GPC5: variants seen among roughly 807,000 people sequenced by gnomAD.
GPC5 encodes glypican 5.
Under a neutral mutation model 53.9 loss-of-function variants are expected in GPC5, and 47 were observed. The observed-to-expected ratio is 0.87, with a 90% CI of 0.69 to 1.11. The LOEUF is 1.11. GPC5 is among the 50% of genes most tolerant of loss of function. GPC5 has a pLI of 0.00. For missense variants in GPC5, 748 were observed against 713.1 expected (o/e 1.05, Z -0.56); for synonymous variants, 286 against 263.3 (o/e 1.09, Z -0.84).
chr13:92,300,533 A>G (rs1361177764), intron 7 of GPC5, among the ~76,000 whole-genome samples: 1 of 152,196 alleles, frequency 6.6e-6, no homozygotes, highest in Admixed American at 6.5e-5. Context: ...TTCAACTCAA[A>G]TATCTTTATG....
chr13:91,470,661 G>A (rs1307653085), intron 2 of GPC5, among the ~76,000 whole-genome samples: 2 of 152,008 alleles, frequency 1.3e-5, no homozygotes, highest in African/African-American at 2.4e-5. Context: ...TTTATCTCAG[G>A]CACCATAACC....
intron 4 of GPC5, among the ~76,000 whole-genome samples, chr13:91,738,177 C>A (rs2036853939): frequency 6.6e-6 from 1 of 151,350 alleles, no homozygotes; most frequent in African/African-American, 2.5e-5. Flanking sequence ...ATTCAGATAC[C>A]TTTACTAAGG....
At chr13:92,109,208 A>T (rs1041803423) in intron 6 of GPC5, among the ~76,000 whole-genome samples, 35 of 151,772 alleles carry the variant, frequency 2.3e-4, no homozygotes, top group African/African-American at 8.2e-4. Flanking sequence ...CTGGGACTAC[A>T]GGCACTCACC....
chr13:91,556,720 T>G (rs1218926548), intron 2 of GPC5, among the ~76,000 whole-genome samples: 1 of 151,674 alleles, frequency 6.6e-6, no homozygotes, highest in Non-Finnish European at 1.5e-5. Context: ...AACTCAGGAG[T>G]AAAAAACCAA....
At chr13:91,860,466 C>A (rs1330452966) in intron 5 of GPC5, among the ~76,000 whole-genome samples, 1 of 147,294 alleles carries the variant, frequency 6.8e-6, no homozygotes, top group Non-Finnish European at 1.5e-5. Flanking sequence ...TCCTTCCTTC[C>A]TTCCTGCCTT....
At chr13:92,602,233 C>CATATATATATATAT (rs149450440) in intron 7 of GPC5, among the ~76,000 whole-genome samples, 1,727 of 119,204 alleles carry the variant, frequency 0.014, 39 homozygotes, top group Middle Eastern at 0.02. Context: ...ATATATATAA[C>CATATATATATATAT]ATATATATAT....
intron 4 of GPC5, 84 bp downstream of exon 4, chr13:91,728,749 C>T (rs752801158): frequency 8.4e-5 from 106 of 1,267,080 alleles, no homozygotes; most frequent in Middle Eastern, 2.0e-4. Context: ...TCAATTAAAT[C>T]GAATAAAATT....
intron 7 of GPC5, among the ~76,000 whole-genome samples, chr13:92,795,747 A>C (rs567707872): frequency 2.0e-5 from 3 of 152,346 alleles, no homozygotes; most frequent in African/African-American, 7.2e-5. Context: ...TGCAGTGAAC[A>C]GACACATGAA....
At chr13:91,750,552 G>A (rs1192728956) in intron 4 of GPC5, among the ~76,000 whole-genome samples, 1 of 151,922 alleles carries the variant, frequency 6.6e-6, no homozygotes, top group Non-Finnish European at 1.5e-5. Flanking sequence ...TTTGTTCATT[G>A]AAATATTTCA....
intron 6 of GPC5, among the ~76,000 whole-genome samples, chr13:92,006,292 T>C (rs926108774): frequency 6.6e-6 from 1 of 152,162 alleles, no homozygotes; most frequent in African/African-American, 2.4e-5. Context: ...CAGCTAAATA[T>C]ACAGAAATAT....
intron 5 of GPC5, among the ~76,000 whole-genome samples, chr13:91,829,299 G>GA (rs1160281463): frequency 5.9e-5 from 9 of 151,828 alleles, no homozygotes; most frequent in African/African-American, 1.2e-4. Flanking sequence ...AATAAAAGCA[G>GA]AAAAAAGACA....
At chr13:91,483,242 T>C (rs1322217517) in intron 2 of GPC5, among the ~76,000 whole-genome samples, 1 of 152,176 alleles carries the variant, frequency 6.6e-6, no homozygotes, top group Admixed American at 6.5e-5. Flanking sequence ...GATCTTCTCT[T>C]TATATAAGAG....
chr13:92,039,294 T>C (rs1029122697), intron 6 of GPC5, among the ~76,000 whole-genome samples: 1 of 152,206 alleles, frequency 6.6e-6, no homozygotes, highest in Non-Finnish European at 1.5e-5. Context: ...AGTAACAGGA[T>C]GTTTGTGTGC....
intron 2 of GPC5, among the ~76,000 whole-genome samples, chr13:91,559,819 G>A (rs959982241): frequency 6.6e-6 from 1 of 152,056 alleles, no homozygotes; most frequent in African/African-American, 2.4e-5. Flanking sequence ...GTTGTTCCTA[G>A]ACCCATTGCA....
chr13:91,962,957 T>TC lies in GPC5; in HGVS notation c.1401+54901dup, dbSNP rs567942863. ...GGCAGTACCTATGTTCTCTAGTTTGTCACTATTCCATGTGCCTTATTATTT... is the reference window on the plus strand; with the variant it reads ...GGCAGTACCTATGTTCTCTAGTTTGTCCACTATTCCATGTGCCTTATTATTT... On this transcript the variant is annotated intron_variant, in intron 6 of 7. Coordinates refer to ENST00000377067, the MANE Select transcript of GPC5 (RefSeq NM_004466.6). Among the ~76,000 whole-genome samples, 6 of 152,330 alleles carry TC rather than the reference T, an allele frequency of 3.9e-5. No homozygotes were observed. The South Asian group carries it at 1.2e-3, about 32-fold the overall frequency.
intron 5 of GPC5, among the ~76,000 whole-genome samples, chr13:91,902,380 C>T (rs2039506201): frequency 6.6e-6 from 1 of 151,922 alleles, no homozygotes; most frequent in South Asian, 2.1e-4. Flanking sequence ...CATTTAAAAA[C>T]AATTTTGTAG....
At chr13:92,085,528 T>C (rs543498573) in intron 6 of GPC5, among the ~76,000 whole-genome samples, 12 of 152,302 alleles carry the variant, frequency 7.9e-5, no homozygotes, top group Non-Finnish European at 1.2e-4. Flanking sequence ...AGACAATTTT[T>C]TTCACAGACC....
At chr13:92,527,479 G>A (rs910113040) in intron 7 of GPC5, among the ~76,000 whole-genome samples, 3 of 152,108 alleles carry the variant, frequency 2.0e-5, no homozygotes, top group Non-Finnish European at 2.9e-5. Flanking sequence ...GGGGTAAGGT[G>A]TGGCTGTTGC....
chr13:92,378,720 A>G lies in GPC5; in HGVS notation c.1561+233731A>G, dbSNP rs555789459. On this transcript the variant is annotated intron_variant, in intron 7 of 7. Transcript: ENST00000377067. ...TGACTCCATCATTGCATTCATTACA[A>G]TTAAAACATAATTATCTATGTGTAT... is the stretch of plus-strand genomic sequence containing the variant. Among the ~76,000 whole-genome samples the G allele has an allele frequency of 3.3e-5, 5 of 152,330 alleles. No homozygotes were observed. The East Asian group carries it at 9.6e-4, about 29-fold the overall frequency.
Sources: gnomAD v4.1 joint callset for allele counts (sites outside exome capture counted in the v4.1 genomes callset) on GRCh38, gnomAD v4.1.1 for gene constraint, MANE v1.5 for transcripts, NCBI Gene and HGNC (gene_info 2026-07-23, HGNC 2026-07-21) for gene names.